Variants in NINJ2 observed in about 807,000 individuals in gnomAD.
The protein encoded by NINJ2 is ninjurin 2.
In NINJ2, 12 loss-of-function variants were observed where a neutral mutation model predicts 11.7. The observed-to-expected ratio is 1.02, with a 90% CI of 0.66 to 1.66. The LOEUF is 1.66. NINJ2 is among the 40% of genes most tolerant of loss of function. The pLI, the probability that NINJ2 is intolerant of heterozygous loss-of-function variation, is 0.00. For missense variants in NINJ2, 187 were observed against 181.8 expected, an observed-to-expected ratio of 1.03 and a Z score of -0.16; for synonymous variants, 93 against 76.8, an observed-to-expected ratio of 1.21 and a Z score of -1.10.
chr12:635,592 C>G (rs1025400454), intron 1 of NINJ2, among the ~76,000 whole-genome samples: 1 of 152,088 alleles, frequency 6.6e-6, no homozygotes, highest in Admixed American at 6.6e-5. Flanking sequence ...CAAAATGAAC[C>G]AAAGACCTAA....
At chr12:603,538 T>C (rs78871596) in intron 1 of NINJ2, among the ~76,000 whole-genome samples, 15,071 of 152,336 alleles carry the variant, frequency 0.099, 954 homozygotes, top group Middle Eastern at 0.17. Context: ...TTTTAGCTTT[T>C]ACATTTAAGT....
intron 1 of NINJ2, among the ~76,000 whole-genome samples, chr12:598,145 T>C (rs1229494980): frequency 6.6e-6 from 1 of 152,236 alleles, no homozygotes; most frequent in Non-Finnish European, 1.5e-5. Flanking sequence ...TCGTGTATAA[T>C]GTGTGTGTAT....
Position 633,435 on chromosome 12 carries a change from C to T in NINJ2, c.33+29893G>A, listed in dbSNP as rs908933925. 3.3e-5 allele frequency among the ~76,000 whole-genome samples: 5 copies of T among 151,720 alleles called. No individual in the cohort carries two copies. The highest frequency in any genetic ancestry group is 7.4e-5 in the Non-Finnish European group (5 of 67,942). On this transcript the variant is annotated intron_variant, in intron 1 of 3. Coordinates refer to ENST00000305108, the MANE Select transcript of NINJ2 (RefSeq NM_016533.6). The surrounding 1 kb of genome is among the most constrained non-coding windows in gnomAD (Gnocchi z 4.3). ...ATCACTGGTTCCACCAGGAGGTGGACGCTGCAGTGAGCCGAGATGGTGCCA... is the reference window on the plus strand; with the variant it reads ...ATCACTGGTTCCACCAGGAGGTGGATGCTGCAGTGAGCCGAGATGGTGCCA...
chr12:598,304 G>A (rs1026414347), intron 1 of NINJ2, among the ~76,000 whole-genome samples: 22 of 152,208 alleles, frequency 1.4e-4, no homozygotes, highest in African/African-American at 3.9e-4. Flanking sequence ...GCGGATCTAC[G>A]TTCAGCAGGT....
At chr12:615,037 C>T (rs996451366) in intron 1 of NINJ2, among the ~76,000 whole-genome samples, 1 of 152,100 alleles carries the variant, frequency 6.6e-6, no homozygotes, top group Admixed American at 6.5e-5. Flanking sequence ...TCTGAAGAGT[C>T]GGGAGAGCGG....
At chr12:601,544 G>A (rs142413763) in intron 1 of NINJ2, among the ~76,000 whole-genome samples, 5,122 of 144,406 alleles carry the variant, frequency 0.035, 138 homozygotes, top group Non-Finnish European at 0.054. Flanking sequence ...GCAAGACTCC[G>A]TCTCAAAAAA....
chr12:630,668 C>T (rs1323074810), intron 1 of NINJ2, among the ~76,000 whole-genome samples: 3 of 152,238 alleles, frequency 2.0e-5, no homozygotes, highest in Non-Finnish European at 4.4e-5. Context: ...TGAGCCACCG[C>T]TCCCCGCCGC....
At chr12:611,601 G>T (rs898026603) in intron 1 of NINJ2, among the ~76,000 whole-genome samples, 5 of 152,248 alleles carry the variant, frequency 3.3e-5, no homozygotes, top group African/African-American at 1.2e-4. Context: ...GCCTCCCAAA[G>T]TTGGGATTAT....
intron 1 of NINJ2, among the ~76,000 whole-genome samples, chr12:574,059 T>TA (rs1394011574): frequency 6.6e-6 from 1 of 152,092 alleles, no homozygotes; most frequent in Non-Finnish European, 1.5e-5. Context: ...CCGTCTCTAC[T>TA]AAAAATACAA....
At chr12:638,545 G>A (rs1247806695) in intron 1 of NINJ2, among the ~76,000 whole-genome samples, 3 of 152,098 alleles carry the variant, frequency 2.0e-5, no homozygotes, top group South Asian at 2.1e-4. Flanking sequence ...CCTCCCAAAT[G>A]GCTGGGACTA....
intron 1 of NINJ2, among the ~76,000 whole-genome samples, chr12:608,255 GCAA>G (rs1160699959): frequency 6.6e-6 from 1 of 152,124 alleles, no homozygotes; most frequent in Non-Finnish European, 1.5e-5. Flanking sequence ...ATCCTATTCA[GCAA>G]CAACAAACTC....
intron 1 of NINJ2, among the ~76,000 whole-genome samples, chr12:608,277 T>A (rs1947965175): frequency 6.6e-6 from 1 of 152,194 alleles, no homozygotes; most frequent in South Asian, 2.1e-4. Flanking sequence ...TCTACCATCA[T>A]CCAACGGCCG....
intron 1 of NINJ2, among the ~76,000 whole-genome samples, chr12:621,929 C>T (rs756453918): frequency 4.0e-4 from 60 of 151,614 alleles, no homozygotes; most frequent in Non-Finnish European, 7.5e-4. Context: ...GTCAGGAGTT[C>T]GTGACCAGCC....
At chr12:586,687 G>C (rs911254418) in intron 1 of NINJ2, among the ~76,000 whole-genome samples, 1 of 152,222 alleles carries the variant, frequency 6.6e-6, no homozygotes, top group African/African-American at 2.4e-5. Flanking sequence ...CGGGGCAAGG[G>C]ACCTCTCCAA....
intron 1 of NINJ2, among the ~76,000 whole-genome samples, chr12:608,072 G>A (rs754745018): frequency 2.0e-5 from 3 of 152,182 alleles, no homozygotes; most frequent in Non-Finnish European, 2.9e-5. Flanking sequence ...ATGGATGGAG[G>A]ATGAGTATCC....
intron 1 of NINJ2, among the ~76,000 whole-genome samples, chr12:639,833 A>AC (rs1948398569): frequency 6.6e-6 from 1 of 152,204 alleles, no homozygotes; most frequent in South Asian, 2.1e-4. Context: ...AACAAATCCC[A>AC]CCTGATTGAA....
chr12:570,046 C>G (rs1051820165), intron 1 of NINJ2, among the ~76,000 whole-genome samples: 2 of 152,230 alleles, frequency 1.3e-5, no homozygotes, highest in African/African-American at 2.4e-5. Flanking sequence ...CTCCGAGGCC[C>G]AGGACGGGAG....
At chr12:655,773 C>T (rs754287800) in intron 1 of NINJ2, among the ~76,000 whole-genome samples, 4 of 151,814 alleles carry the variant, frequency 2.6e-5, no homozygotes, top group Non-Finnish European at 5.9e-5. Context: ...ATTAGCTGGG[C>T]ATGGTGGCAC....
At chr12:622,131 A>G (rs946612658) in intron 1 of NINJ2, among the ~76,000 whole-genome samples, 6 of 135,684 alleles carry the variant, frequency 4.4e-5, no homozygotes, top group African/African-American at 1.7e-4. Context: ...GGAAAAAAAA[A>G]AAAAAAAAGG....
Sources: allele counts gnomAD v4.1 joint callset (sites outside exome capture counted in the v4.1 genomes callset), GRCh38; gene constraint gnomAD v4.1.1; non-coding constraint Gnocchi (gnomAD v3.1); transcripts MANE v1.5; gene names NCBI Gene and HGNC (gene_info 2026-07-23, HGNC 2026-07-21).